INPP4B: variants seen among roughly 807,000 people sequenced by gnomAD.
INPP4B encodes the protein inositol polyphosphate-4-phosphatase type II B, also known as inositol polyphosphate 4-phosphatase type II.
In INPP4B, 55 loss-of-function variants were observed where a neutral mutation model predicts 122.5. The observed-to-expected ratio is 0.45, with a 90% CI of 0.36 to 0.56. INPP4B has a LOEUF of 0.56. Among genes scored for constraint, INPP4B ranks in the 20% least tolerant of loss-of-function variants. The pLI is 0.00. For synonymous variants in INPP4B, 403 were observed against 388.7 expected (o/e 1.04, Z -0.43); for missense variants, 1,000 against 1,097.7 (o/e 0.91, Z 1.26).
intron 2 of INPP4B, among the ~76,000 whole-genome samples, chr4:142,650,712 T>C (rs1752761104): frequency 6.6e-6 from 1 of 152,004 alleles, no homozygotes; most frequent in Non-Finnish European, 1.5e-5. Flanking sequence ...AGCACCCAGA[T>C]TCATAAAGCA....
chr4:142,619,373 T>C (rs1480598982), intron 2 of INPP4B, among the ~76,000 whole-genome samples: 5 of 152,032 alleles, frequency 3.3e-5, no homozygotes, highest in South Asian at 2.1e-4. Context: ...AAAGAAAATA[T>C]GGTATATACA....
At chr4:142,214,863 ATTGT>A (rs1412868625) in intron 12 of INPP4B, among the ~76,000 whole-genome samples, 27 of 151,830 alleles carry the variant, frequency 1.8e-4, no homozygotes, top group African/African-American at 4.6e-4. Flanking sequence ...CAGCACATTA[ATTGT>A]TTATTTGTAT....
At chr4:142,629,533 G>A (rs892725368) in intron 2 of INPP4B, among the ~76,000 whole-genome samples, 1 of 151,926 alleles carries the variant, frequency 6.6e-6, no homozygotes, top group Non-Finnish European at 1.5e-5. Flanking sequence ...TGTGTTTGAG[G>A]GGCAGAGAGA....
chr4:142,506,602 T>C (rs1206607840), intron 2 of INPP4B, among the ~76,000 whole-genome samples: 1 of 151,998 alleles, frequency 6.6e-6, no homozygotes. Flanking sequence ...CCTAGTTCCA[T>C]CCTGGAGTAT....
rs745904231 is a variant in INPP4B at position 142,270,705 on chromosome 4, A to C, written c.573T>G (p.Asp191Glu). ...CTGTGGTGATGTGGTCGGCTTCCCCATCCTCAATCTCCCCCATCTTCACGA... is the reference window on the plus strand; with the variant it reads ...CTGTGGTGATGTGGTCGGCTTCCCCCTCCTCAATCTCCCCCATCTTCACGA... ...VSVVKMGEIE[D>E]GEADHITTDV... The change falls in exon 10 of 26, where the codon GAT (aspartate) becomes GAG (glutamate). Residue 191 changes from aspartate (D) to glutamate (E), a missense_variant. By Grantham distance (45) the Asp-to-Glu change is conservative (BLOSUM62 2). Coordinates refer to ENST00000262992, the MANE Select transcript of INPP4B (RefSeq NM_001101669.3). The C allele has an allele frequency of 6.2e-7, 1 of 1,613,558 alleles. No homozygotes were observed. The highest frequency in any genetic ancestry group is 8.5e-7 in the Non-Finnish European group (1 of 1,179,620).
At chr4:142,260,884 C>A (rs1475599831) in intron 10 of INPP4B, among the ~76,000 whole-genome samples, 1 of 152,152 alleles carries the variant, frequency 6.6e-6, no homozygotes, top group African/African-American at 2.4e-5. Context: ...CAAGCTGAAT[C>A]ATTTTGTATT....
At chr4:142,424,534 G>C (rs1033067909) in intron 5 of INPP4B, among the ~76,000 whole-genome samples, 1 of 152,030 alleles carries the variant, frequency 6.6e-6, no homozygotes, top group Non-Finnish European at 1.5e-5. Context: ...TGCACACACA[G>C]ACACGGATAG....
intron 1 of INPP4B, among the ~76,000 whole-genome samples, chr4:142,749,733 TA>T (rs1391575592): frequency 6.6e-6 from 1 of 152,026 alleles, no homozygotes; most frequent in East Asian, 1.9e-4. Flanking sequence ...TAAGATTATA[TA>T]AAAATAATAT....
chr4:142,709,971 A>C (rs1762913297), intron 2 of INPP4B, among the ~76,000 whole-genome samples: 1 of 152,224 alleles, frequency 6.6e-6, no homozygotes, highest in Non-Finnish European at 1.5e-5. Flanking sequence ...CTTTCAAAAA[A>C]TATATTACTT....
At chr4:142,456,033 C>T (rs1815345419) in intron 3 of INPP4B, among the ~76,000 whole-genome samples, 1 of 151,788 alleles carries the variant, frequency 6.6e-6, no homozygotes, top group South Asian at 2.1e-4. Flanking sequence ...GTTTCAGATC[C>T]TTATATATTC....
intron 15 of INPP4B, among the ~76,000 whole-genome samples, chr4:142,177,317 C>G (rs1446428914): frequency 6.6e-6 from 1 of 152,122 alleles, no homozygotes; most frequent in African/African-American, 2.4e-5. Flanking sequence ...TTTTATCTAC[C>G]TATTCAGTGC....
intron 2 of INPP4B, among the ~76,000 whole-genome samples, chr4:142,508,661 T>C (rs966611915): frequency 1.3e-5 from 2 of 152,202 alleles, no homozygotes; most frequent in Non-Finnish European, 2.9e-5. Flanking sequence ...GTTTCAACCA[T>C]GGCATAGTGG....
At chr4:142,814,689 A>G (rs2151133279) in intron 1 of INPP4B, among the ~76,000 whole-genome samples, 1 of 152,284 alleles carries the variant, frequency 6.6e-6, no homozygotes, top group Admixed American at 6.5e-5. Flanking sequence ...GAGCAATAAA[A>G]TTCATAAAGT....
intron 7 of INPP4B, among the ~76,000 whole-genome samples, chr4:142,363,272 T>TA (rs1786152947): frequency 6.6e-6 from 1 of 151,896 alleles, no homozygotes; most frequent in Non-Finnish European, 1.5e-5. Flanking sequence ...ATATCAATTT[T>TA]AAAAATTTCA....
At chr4:142,692,436 C>T (rs963294040) in intron 2 of INPP4B, among the ~76,000 whole-genome samples, 7 of 152,168 alleles carry the variant, frequency 4.6e-5, no homozygotes, top group African/African-American at 1.7e-4. Context: ...TGGGGTGGCT[C>T]ATGCCTGTAA....
At chr4:142,730,574 A>G (rs982465946) in intron 1 of INPP4B, among the ~76,000 whole-genome samples, 1 of 152,192 alleles carries the variant, frequency 6.6e-6, no homozygotes, top group African/African-American at 2.4e-5. Flanking sequence ...CAAAGCTTTA[A>G]TGACAACTTC....
At chr4:142,617,837 C>G (rs998160175) in intron 2 of INPP4B, among the ~76,000 whole-genome samples, 1 of 152,094 alleles carries the variant, frequency 6.6e-6, no homozygotes, top group Non-Finnish European at 1.5e-5. Flanking sequence ...TGAATTAACA[C>G]AATTTCCAGG....
Position 142,145,903 on chromosome 4 carries a change from C to G in INPP4B, c.1657G>C (p.Gly553Arg). The change falls in exon 18 of 26, where the codon GGC (glycine) becomes CGC (arginine). Residue 553 changes from glycine (G) to arginine (R), a missense_variant. Coordinates refer to ENST00000262992, the MANE Select transcript of INPP4B (RefSeq NM_001101669.3). ...IERDGGSEGS[G>R]GNNDGEKEPS... ...TCCTTTTCTCCATCATTGTTGCCGCCACTGCCTTCACTGCCACCATCTCTT... is the reference window on the plus strand; with the variant it reads ...TCCTTTTCTCCATCATTGTTGCCGCGACTGCCTTCACTGCCACCATCTCTT... 6.2e-7 allele frequency: 1 copy of G among 1,613,846 alleles called. No homozygotes were observed. The highest frequency in any genetic ancestry group is 8.5e-7 in the Non-Finnish European group (1 of 1,179,804).
intron 25 of INPP4B, among the ~76,000 whole-genome samples, chr4:142,069,660 C>A (rs910187583): frequency 6.6e-6 from 1 of 152,108 alleles, no homozygotes; most frequent in African/African-American, 2.4e-5. Context: ...GATATCAACA[C>A]CTATCCCACA....
Sources: gnomAD v4.1 joint callset for allele counts (sites outside exome capture counted in the v4.1 genomes callset) on GRCh38, gnomAD v4.1.1 for gene constraint, MANE v1.5 for transcripts, NCBI Gene and HGNC (gene_info 2026-07-23, HGNC 2026-07-21) for gene names.